The following IQSEC1 variants were observed in gnomAD, a reference collection of about 807,000 sequenced individuals.
The protein encoded by IQSEC1 is IQ motif and Sec7 domain ArfGEF 1, also known as IQ motif and SEC7 domain-containing protein 1.
Under a neutral mutation model 91.0 loss-of-function variants are expected in IQSEC1, and 31 were observed. The observed-to-expected ratio is 0.34, with a 90% CI of 0.26 to 0.46. The LOEUF is 0.46. Among genes scored for constraint, IQSEC1 ranks in the 20% least tolerant of loss-of-function variants. The pLI is 1.00. For missense variants in IQSEC1, 1,388 were observed against 1,575.6 expected (o/e 0.88, Z 2.02); for synonymous variants, 699 against 662.6 (o/e 1.05, Z -0.84).
At chr3:13,143,604 A>G (rs527722304) in intron 2 of IQSEC1, among the ~76,000 whole-genome samples, 11 of 152,340 alleles carry the variant, frequency 7.2e-5, no homozygotes, top group Admixed American at 2.6e-4. Context: ...CTCCATGGCC[A>G]CAGTGATTGG....
intron 1 of IQSEC1, among the ~76,000 whole-genome samples, chr3:13,252,671 G>A (rs757032295): frequency 1.2e-4 from 19 of 152,072 alleles, no homozygotes; most frequent in Non-Finnish European, 2.6e-4. Flanking sequence ...AAGGCACAAG[G>A]GTTCCAATTT....
intron 1 of IQSEC1, among the ~76,000 whole-genome samples, chr3:13,066,709 G>A (rs774230777): frequency 5.3e-5 from 8 of 152,334 alleles, no homozygotes; most frequent in South Asian, 2.1e-4. Context: ...GCCCCACCCC[G>A]TTCTCTTCCC....
At chr3:13,105,774 G>C (rs1221648559) in intron 2 of IQSEC1, among the ~76,000 whole-genome samples, 1 of 152,124 alleles carries the variant, frequency 6.6e-6, no homozygotes, top group Admixed American at 6.5e-5. Flanking sequence ...TCTGGCCATG[G>C]GGATGTGTGC....
chr3:13,059,682 T>C (rs1704998868), intron 1 of IQSEC1, among the ~76,000 whole-genome samples: 1 of 152,102 alleles, frequency 6.6e-6, no homozygotes, highest in Non-Finnish European at 1.5e-5. Context: ...GCCCAGGAGT[T>C]CAAGGCTCCA....
chr3:13,149,049 C>T (rs1706947490), intron 2 of IQSEC1, among the ~76,000 whole-genome samples: 2 of 152,252 alleles, frequency 1.3e-5, no homozygotes, highest in Admixed American at 1.3e-4. Context: ...CCCCTCACCA[C>T]CAGCCCCTCG....
At position 12,903,650 on chromosome 3, in the gene IQSEC1, G is replaced by A. The variant is rs554662144; in HGVS notation, c.2756-828C>T. 5.3e-4 allele frequency among the ~76,000 whole-genome samples: 81 copies of A among 152,272 alleles called. 1 individual carries two copies. Among genetic ancestry groups the A allele is most frequent in the Admixed American group, 2.4e-3 (37 of 15,300 alleles). ...CTCTGGGTGCGTAGGGCCCAGGCCCGGCCTGGCCCCGCCCAGCCTCCACAG... is the reference window on the plus strand; with the variant it reads ...CTCTGGGTGCGTAGGGCCCAGGCCCAGCCTGGCCCCGCCCAGCCTCCACAG... On this transcript the variant is annotated intron_variant, in intron 12 of 13. Coordinates refer to ENST00000613206, the MANE Select transcript of IQSEC1 (RefSeq NM_001134382.3).
chr3:13,005,182 G>T (rs185585296), intron 1 of IQSEC1, among the ~76,000 whole-genome samples: 2 of 152,196 alleles, frequency 1.3e-5, no homozygotes, highest in African/African-American at 4.8e-5. Context: ...GGGGGCAGGG[G>T]GTGTCTCATA....
At chr3:13,254,960 G>T (rs6785611) in intron 1 of IQSEC1, among the ~76,000 whole-genome samples, 2 of 151,942 alleles carry the variant, frequency 1.3e-5, no homozygotes, top group Non-Finnish European at 2.9e-5. Context: ...CAAAGCTCCA[G>T]ATCCGACAAG....
At chr3:13,031,567 C>T (rs1703843270) in intron 1 of IQSEC1, among the ~76,000 whole-genome samples, 1 of 152,224 alleles carries the variant, frequency 6.6e-6, no homozygotes, top group African/African-American at 2.4e-5. Flanking sequence ...CGGTGATCAT[C>T]TAACCTTTCC....
chr3:13,255,629 T>A (rs1320648707), intron 1 of IQSEC1, among the ~76,000 whole-genome samples: 1 of 151,852 alleles, frequency 6.6e-6, no homozygotes, highest in East Asian at 1.9e-4. Context: ...TTTTTTTTTG[T>A]TCTTAGAGAC....
At chr3:13,236,972 G>A (rs1694941578) in intron 1 of IQSEC1, among the ~76,000 whole-genome samples, 1 of 152,216 alleles carries the variant, frequency 6.6e-6, no homozygotes, top group African/African-American at 2.4e-5. Context: ...CGCACTGGGT[G>A]GCCCCACACC....
intron 1 of IQSEC1, among the ~76,000 whole-genome samples, chr3:13,256,451 G>C (rs1295480390): frequency 6.6e-6 from 1 of 152,146 alleles, no homozygotes; most frequent in Non-Finnish European, 1.5e-5. Context: ...TGTTCAGCAA[G>C]TACCAACTGT....
chr3:13,095,385 A>G (rs1450957000), intron 2 of IQSEC1, among the ~76,000 whole-genome samples: 2 of 152,066 alleles, frequency 1.3e-5, no homozygotes, highest in African/African-American at 4.8e-5. Context: ...CTGGGATTTA[A>G]CCAGCCTTGG....
At chr3:13,221,649 C>T (rs1694662691) in intron 1 of IQSEC1, among the ~76,000 whole-genome samples, 1 of 152,248 alleles carries the variant, frequency 6.6e-6, no homozygotes, top group Non-Finnish European at 1.5e-5. Context: ...GCCTGGAGCC[C>T]ACGGCGGCTC....
At chr3:13,229,055 C>T (rs1004886345) in intron 1 of IQSEC1, among the ~76,000 whole-genome samples, 1 of 152,170 alleles carries the variant, frequency 6.6e-6, no homozygotes, top group African/African-American at 2.4e-5. Flanking sequence ...AACAAATAAG[C>T]CTGTGACATG....
chr3:13,266,373 G>A (rs1162826370), intron 1 of IQSEC1, among the ~76,000 whole-genome samples: 1 of 152,160 alleles, frequency 6.6e-6, no homozygotes, highest in Non-Finnish European at 1.5e-5. Flanking sequence ...GATGCCCAAG[G>A]AGCATAGTTC....
At chr3:13,226,045 T>C (rs1576301653) in intron 1 of IQSEC1, among the ~76,000 whole-genome samples, 1 of 152,164 alleles carries the variant, frequency 6.6e-6, no homozygotes, top group Non-Finnish European at 1.5e-5. Context: ...CACGCCTGGC[T>C]AATTTTTGTT....
chr3:13,194,977 CA>C (rs571062335), intron 1 of IQSEC1, among the ~76,000 whole-genome samples: 58 of 152,252 alleles, frequency 3.8e-4, no homozygotes, highest in African/African-American at 1.2e-3. Flanking sequence ...ACAATCCACA[CA>C]AAGAAAAAGC....
At position 13,118,293 on chromosome 3, in the gene IQSEC1, G is replaced by A. The variant is rs558321148; in HGVS notation, c.302+45811C>T. On this transcript the variant is annotated intron_variant, in intron 2 of 15. Coordinates refer to the IQSEC1 transcript ENST00000648114. ...AAACACAGAATTATCATCTGATTTA[G>A]CAATTCTACTTCTGGGTATAGACCC... is the stretch of plus-strand genomic sequence containing the variant. Among the ~76,000 whole-genome samples, 95 of 152,178 alleles carry A rather than the reference G, an allele frequency of 6.2e-4. 1 individual carries two copies. Among genetic ancestry groups the A allele is most frequent in the Admixed American group, 1.4e-3 (21 of 15,276 alleles).
Sources: gnomAD v4.1 joint callset for allele counts (sites outside exome capture counted in the v4.1 genomes callset) on GRCh38, gnomAD v4.1.1 for gene constraint, MANE v1.5 for transcripts, NCBI Gene and HGNC (gene_info 2026-07-23, HGNC 2026-07-21) for gene names.